The following PLP1 variants were observed in gnomAD, a reference collection of about 807,000 sequenced individuals.
The protein encoded by PLP1 is proteolipid protein 1, also known as myelin proteolipid protein.
PLP1 carries 2 observed loss-of-function variants against 18.5 expected under a neutral mutation model. The observed-to-expected ratio is 0.11, with a 90% confidence interval of 0.04 to 0.34. The LOEUF (loss-of-function observed/expected upper bound fraction) is 0.34, where lower values mean the gene tolerates loss of function less well. Among genes scored for constraint, PLP1 ranks in the 10% least tolerant of loss-of-function variants. The probability of loss-of-function intolerance (pLI) is 1.00; values close to 1 mark genes in which losing one functional copy is unlikely to be tolerated. For missense variants in PLP1, 105 were observed against 207.3 expected, an observed-to-expected ratio of 0.51 and a Z score of 3.03; for synonymous variants, 86 against 83.2, an observed-to-expected ratio of 1.03 and a Z score of -0.19.
At chrX:103,787,371 T>C (rs2074505914) in intron 3 of PLP1, 1 of 171,537 alleles carries the variant, frequency 5.8e-6, no homozygotes, top group African/African-American at 3.1e-5. Context: ...AGAAAGGTTT[T>C]GTATCTGAAA....
At chrX:103,780,928 G>A (rs975661742) in intron 1 of PLP1, 1 of 132,396 alleles carries the variant, frequency 7.6e-6, no homozygotes, top group African/African-American at 3.1e-5. Flanking sequence ...TAAGGGGTGG[G>A]TTCTGGGAGG....
intron 3 of PLP1, 142 bp downstream of exon 3, chrX:103,786,868 A>G (rs1310428263): frequency 3.1e-6 from 2 of 647,060 alleles, no homozygotes; most frequent in Non-Finnish European, 5.0e-6. Flanking sequence ...CAGCCGAACG[A>G]GAAGGTCAGG....
At position 103,792,580 on chromosome X, in the gene PLP1, A is replaced by G. The variant is rs1252237009; in HGVS notation, c.*1982A>G. 1 of 112,670 alleles carries G rather than the reference A, an allele frequency of 8.9e-6. No individual in the cohort carries two copies. Among genetic ancestry groups the G allele is most frequent in the Non-Finnish European group, 1.9e-5 (1 of 53,245 alleles). The allele number at this position is 112,670 out of a possible 1,213,427, so 9.3% of individuals were successfully genotyped here. On this transcript the variant is annotated 3_prime_UTR_variant, in exon 7 of 7. Coordinates refer to ENST00000621218, the MANE Select transcript of PLP1 (RefSeq NM_000533.5). ...ACTTATCTTACAAAGTGTATTTTAT[A>G]AAATTAAAGAAAATAAAATTAAGAA...
At chrX:103,784,852 A>G (rs1319144564) in intron 1 of PLP1, among the ~76,000 whole-genome samples, 2 of 111,907 alleles carry the variant, frequency 1.8e-5, no homozygotes, top group Admixed American at 9.5e-5. Context: ...TTCTCTCTTC[A>G]TATCCCGTAT....
intron 3 of PLP1, among the ~76,000 whole-genome samples, chrX:103,787,185 T>A (rs1361536361): frequency 9.0e-6 from 1 of 111,476 alleles, no homozygotes; most frequent in Non-Finnish European, 1.9e-5. Flanking sequence ...TCCTGCACAG[T>A]TCGAGGTCCC....
Position 103,790,903 on chromosome X carries a change from C to T in PLP1, c.*305C>T, listed in dbSNP as rs1380165245. 3.0e-6 allele frequency: 1 copy of T among 333,665 alleles called. No individual in the cohort carries two copies. The highest frequency in any genetic ancestry group is 2.6e-5 in the African/African-American group (1 of 38,302). 27.5% of individuals were successfully genotyped at this position (333,665 alleles called of 1,213,427 possible). ...AGGCTCTAATTGAATTTTCAAGCAT[C>T]TCCTGAGGATCAGAAAGTAATTTCT... On this transcript the variant is annotated 3_prime_UTR_variant, in exon 7 of 7. Coordinates refer to ENST00000621218, the MANE Select transcript of PLP1 (RefSeq NM_000533.5).
chrX:103,786,194 G>C (rs1220678986), intron 2 of PLP1: 1 of 1,130,910 alleles, frequency 8.8e-7, no homozygotes, highest in African/African-American at 1.8e-5. Flanking sequence ...CTGAAGGGTG[G>C]GGCAGGGAGA....
At chrX:103,780,094 T>C (rs2074440131) in intron 1 of PLP1, 1 of 113,026 alleles carries the variant, frequency 8.8e-6, no homozygotes, top group Non-Finnish European at 1.9e-5. Flanking sequence ...TAATCCCTCT[T>C]GCCTACGGCA....
chrX:103,787,434 TG>T, intron 3 of PLP1: 2 of 264,321 alleles, frequency 7.6e-6, no homozygotes, highest in South Asian at 1.3e-4. Context: ...AATGTTCCTA[TG>T]GCAAGGAACA....
upstream of PLP1, chrX:103,776,745 T>C (rs1377296373): frequency 3.6e-5 from 13 of 363,475 alleles, no homozygotes; most frequent in Non-Finnish European, 6.0e-5. Context: ...GGAGTATCCC[T>C]GAGTAGGTGG....
At position 103,790,795 on chromosome X, in the gene PLP1, C is replaced by A. The variant is rs753479760; in HGVS notation, c.*197C>A. ...TCCCCTCTTATGTACCTCTTTTAGT[C>A]ATTTTGCTTCATAGCTGGTTCCTGC... On this transcript the variant is annotated 3_prime_UTR_variant, in exon 7 of 7. Coordinates refer to ENST00000621218, the MANE Select transcript of PLP1 (RefSeq NM_000533.5). 15 of 446,802 alleles carry A rather than the reference C, an allele frequency of 3.4e-5. No homozygotes were observed. In the East Asian group the frequency reaches 5.7e-4, roughly 17 times the overall value. 36.8% of individuals were successfully genotyped at this position (446,802 alleles called of 1,213,427 possible). A position where few individuals can be genotyped will look rare whatever the true frequency, so the allele number is the denominator to read the frequency against.
chrX:103,790,039 G>A (rs1165297213), intron 6 of PLP1, among the ~76,000 whole-genome samples: 2 of 112,191 alleles, frequency 1.8e-5, no homozygotes, highest in African/African-American at 6.5e-5. Flanking sequence ...GATCAGACAA[G>A]ATGAGCTCAC....
At chrX:103,788,332 A>G (rs2074516087) in intron 4 of PLP1, 105 bp from the exon 5 acceptor site, 1 of 636,182 alleles carries the variant, frequency 1.6e-6, no homozygotes, top group Non-Finnish European at 2.7e-6. Context: ...ATCCAACTTT[A>G]CAGCCAGGAT....
chrX:103,786,017 T>A lies in PLP1; in HGVS notation c.191+249T>A, dbSNP rs1240245135. The A allele has an allele frequency of 4.4e-6, 3 of 681,216 alleles. No homozygotes were observed. In the African/African-American group the frequency reaches 7.1e-5, roughly 16 times the overall value. 56.1% of individuals were successfully genotyped at this position (681,216 alleles called of 1,213,427 possible). ...CTTGTTTTCTTACACGTGTTCTGAC[T>A]TCTGCTAGGTGTGGTTCATATTGCC... is the stretch of plus-strand genomic sequence containing the variant. On this transcript the variant is annotated intron_variant, in intron 2 of 6. Transcript: ENST00000621218.
In PLP1 at chrX:103,785,715, A is replaced by G. The variant is rs771833180; in HGVS notation, c.138A>G (p.Leu46=). ...AAGCCCTCACTGGCACAGAAAAGCT[A>G]ATTGAGACCTATTTCTCCAAAAACT... The part of the protein sequence containing the change: ...GHEALTGTEK[L]IETYFSKNYQ... The change falls in exon 2 of 7, where the codon CTA becomes CTG. Residue 46 remains leucine (L), a synonymous_variant. Transcript: ENST00000621218. The G allele has an allele frequency of 8.3e-7, 1 of 1,210,392 alleles. No individual in the cohort carries two copies. The highest frequency in any genetic ancestry group is 1.8e-5 in the South Asian group (1 of 56,955).
Position 103,777,763 on chromosome X carries a change from A to G in PLP1, c.4+764A>G, listed in dbSNP as rs146673482. ...TCCGTGAACAAAGACAGAAGCTATGAAGTTCTGGTGGTAGTTTCTACTCAG... is the reference window on the plus strand; with the variant it reads ...TCCGTGAACAAAGACAGAAGCTATGGAGTTCTGGTGGTAGTTTCTACTCAG... On this transcript the variant is annotated intron_variant, in intron 1 of 6. Coordinates refer to ENST00000621218, the MANE Select transcript of PLP1 (RefSeq NM_000533.5). 5.2e-3 allele frequency among the ~76,000 whole-genome samples: 589 copies of G among 112,426 alleles called. 7 individuals carry two copies. Among genetic ancestry groups the G allele is most frequent in the African/African-American group, 0.018 (572 of 30,963 alleles).
rs189295366 is a variant in PLP1, at chrX:103,777,824, A to G, written c.4+825A>G. ...GCAGAGCACAAGGGTCTTTGTCCCTATTGGACTCCACAGAGTCCTGTAGAC... is the reference window on the plus strand; with the variant it reads ...GCAGAGCACAAGGGTCTTTGTCCCTGTTGGACTCCACAGAGTCCTGTAGAC... On this transcript the variant is annotated intron_variant, in intron 1 of 6. Coordinates refer to ENST00000621218, the MANE Select transcript of PLP1 (RefSeq NM_000533.5). 2.0e-4 allele frequency among the ~76,000 whole-genome samples: 22 copies of G among 112,708 alleles called. No individual in the cohort carries two copies. The East Asian group carries it at 3.1e-3, about 16-fold the overall frequency.
At chrX:103,780,431 GTCTC>G (rs35713329) in intron 1 of PLP1, among the ~76,000 whole-genome samples, 1,202 of 90,069 alleles carry the variant, frequency 0.013, 17 homozygotes, top group African/African-American at 0.042. Flanking sequence ...CATTCATTCT[GTCTC>G]TCTCTGTGTG....
chrX:103,788,849 G>A, intron 5 of PLP1: 1 of 306,144 alleles, frequency 3.3e-6, no homozygotes, highest in Non-Finnish European at 5.7e-6. Flanking sequence ...AATGGGCTGT[G>A]CACAGAGGCA....
Sources: allele counts gnomAD v4.1 joint callset (sites outside exome capture counted in the v4.1 genomes callset), GRCh38; gene constraint gnomAD v4.1.1; transcripts MANE v1.5; gene names NCBI Gene and HGNC (gene_info 2026-07-23, HGNC 2026-07-21).